ATP9A: variants seen among roughly 807,000 people sequenced by gnomAD.
ATP9A encodes ATPase phospholipid transporting 9A.
ATP9A carries 52 observed loss-of-function variants against 144.1 expected under a neutral mutation model. That is an observed-to-expected ratio of 0.36 (90% CI 0.29 to 0.45). The LOEUF (loss-of-function observed/expected upper bound fraction) is 0.45, where lower values mean the gene tolerates loss of function less well. Among genes scored for constraint, ATP9A ranks in the 20% least tolerant of loss-of-function variants. ATP9A has a pLI of 1.00. For synonymous variants in ATP9A, 582 were observed against 557.4 expected, an observed-to-expected ratio of 1.04 and a Z score of -0.62; for missense variants, 947 against 1,392.7, an observed-to-expected ratio of 0.68 and a Z score of 5.09.
chr20:51,757,437 C>G (rs1325590686), intron 1 of ATP9A, among the ~76,000 whole-genome samples: 1 of 152,128 alleles, frequency 6.6e-6, no homozygotes, highest in Non-Finnish European at 1.5e-5. Flanking sequence ...TGGGGACCGC[C>G]GCCAACAGGC....
At chr20:51,719,758 A>G (rs529485797) in intron 3 of ATP9A, among the ~76,000 whole-genome samples, 9 of 148,254 alleles carry the variant, frequency 6.1e-5, no homozygotes, top group Non-Finnish European at 1.2e-4. Context: ...GGGGGGAAGA[A>G]GAAACGGGCT....
intron 14 of ATP9A, among the ~76,000 whole-genome samples, chr20:51,640,374 G>A (rs2077313788): frequency 6.6e-6 from 1 of 152,160 alleles, no homozygotes; most frequent in Non-Finnish European, 1.5e-5. Context: ...GTATCCAGTG[G>A]GCAGAGGCCA....
intron 15 of ATP9A, among the ~76,000 whole-genome samples, chr20:51,630,921 T>G (rs2077267347): frequency 6.6e-6 from 1 of 152,158 alleles, no homozygotes; most frequent in South Asian, 2.1e-4. Flanking sequence ...GCGGACCCTT[T>G]CCCTGTGGTA....
At chr20:51,624,559 G>A (rs955497136) in intron 18 of ATP9A, among the ~76,000 whole-genome samples, 1 of 152,128 alleles carries the variant, frequency 6.6e-6, no homozygotes, top group Middle Eastern at 3.2e-3. Context: ...TTGGCCACAC[G>A]GCAGACAGAC....
At chr20:51,766,789 G>A (rs909368903) in intron 1 of ATP9A, among the ~76,000 whole-genome samples, 2 of 152,034 alleles carry the variant, frequency 1.3e-5, no homozygotes, top group Admixed American at 6.6e-5. Flanking sequence ...GCAGTGAGCC[G>A]AGATCTCGCC....
intron 27 of ATP9A, among the ~76,000 whole-genome samples, chr20:51,603,210 G>A (rs1039140939): frequency 4.6e-4 from 70 of 152,156 alleles, no homozygotes; most frequent in African/African-American, 1.7e-3. Context: ...AGGGTTTTTT[G>A]TTTGAATAAC....
At chr20:51,759,681 A>G (rs760701225) in intron 1 of ATP9A, among the ~76,000 whole-genome samples, 26 of 152,102 alleles carry the variant, frequency 1.7e-4, no homozygotes, top group Non-Finnish European at 2.9e-4. Flanking sequence ...CACAAAAATA[A>G]TAATAATAAT....
chr20:51,741,657 C>T (rs1418532333), intron 1 of ATP9A, among the ~76,000 whole-genome samples: 3 of 152,328 alleles, frequency 2.0e-5, no homozygotes, highest in Non-Finnish European at 2.9e-5. Context: ...TCCCAAACTT[C>T]AGCCATTTTC....
intron 9 of ATP9A, among the ~76,000 whole-genome samples, chr20:51,678,029 T>C (rs967303369): frequency 6.0e-4 from 89 of 149,336 alleles, no homozygotes; most frequent in Non-Finnish European, 7.4e-4. Context: ...GCAGGAAAGA[T>C]AGACAGTAAA....
At chr20:51,719,209 G>C (rs1019841501) in intron 3 of ATP9A, among the ~76,000 whole-genome samples, 1 of 151,944 alleles carries the variant, frequency 6.6e-6, no homozygotes, top group Non-Finnish European at 1.5e-5. Context: ...AGGGCCTCCT[G>C]AGCCCAGAAG....
In ATP9A at chr20:51,696,115, G is replaced by A. The variant is rs1568825042; in HGVS notation, c.525C>T (p.Phe175=). 3 of 1,613,928 alleles carry A rather than the reference G, an allele frequency of 1.9e-6. No homozygotes were observed. Among genetic ancestry groups the A allele is most frequent in the Non-Finnish European group, 2.5e-6 (3 of 1,179,828 alleles). ...TACCGTTTTTTTCTGATGTCCTCAG[G>A]AAGATCATGTCGGCAGGGACCCGCT... ...KNQRVPADMI[F]LRTSEKNGSC... is the part of the protein sequence containing the mutation. Residue 175 remains phenylalanine (F), a synonymous_variant, in exon 6 of 28, where the codon TTC becomes TTT. Coordinates refer to ENST00000338821, the MANE Select transcript of ATP9A (RefSeq NM_006045.3).
At chr20:51,722,543 G>A (rs2077694212) in intron 3 of ATP9A, among the ~76,000 whole-genome samples, 1 of 152,088 alleles carries the variant, frequency 6.6e-6, no homozygotes, top group Non-Finnish European at 1.5e-5. Context: ...GACTTGAATA[G>A]ACAATTTTCA....
At chr20:51,750,533 C>G (rs1039432344) in intron 1 of ATP9A, among the ~76,000 whole-genome samples, 1 of 152,186 alleles carries the variant, frequency 6.6e-6, no homozygotes, top group Non-Finnish European at 1.5e-5. Context: ...TTCCTAGACA[C>G]CAAAACAATA....
chr20:51,610,379 T>G (rs1568783784), intron 23 of ATP9A, among the ~76,000 whole-genome samples: 1 of 152,164 alleles, frequency 6.6e-6, no homozygotes, highest in Non-Finnish European at 1.5e-5. Context: ...AAGCAGAAAG[T>G]GAGGCATAGA....
intron 14 of ATP9A, among the ~76,000 whole-genome samples, chr20:51,656,538 G>A (rs1251867499): frequency 4.6e-5 from 7 of 152,134 alleles, no homozygotes; most frequent in African/African-American, 1.4e-4. Flanking sequence ...GGGCAAAAGA[G>A]TGAGACTGTA....
chr20:51,695,874 G>A (rs1230333519), intron 6 of ATP9A, among the ~76,000 whole-genome samples: 3 of 152,126 alleles, frequency 2.0e-5, no homozygotes, highest in Non-Finnish European at 2.9e-5. Flanking sequence ...TGAGTCAGCC[G>A]GTGTTCCACA....
chr20:51,726,871 G>A lies in ATP9A; in HGVS notation c.214-939C>T, dbSNP rs562494594. 2.8e-3 allele frequency among the ~76,000 whole-genome samples: 405 copies of A among 144,282 alleles called. 3 individuals are homozygous for A. The highest frequency in any genetic ancestry group is 7.7e-3 in the Middle Eastern group (2 of 260). 94.7% of individuals were successfully genotyped at this position (144,282 alleles called of 152,430 possible). A position where few individuals can be genotyped will look rare whatever the true frequency, so the allele number is the denominator to read the frequency against. On this transcript the variant is annotated intron_variant, in intron 2 of 27. Coordinates refer to ENST00000338821, the MANE Select transcript of ATP9A (RefSeq NM_006045.3). ...TGGGATTACAGACCTAAGCCACTGCGTCCAGACTGTGTTATTTCTTTTTTT... is the reference window on the plus strand; with the variant it reads ...TGGGATTACAGACCTAAGCCACTGCATCCAGACTGTGTTATTTCTTTTTTT...
chr20:51,597,185 T>C lies in ATP9A; in HGVS notation c.*4026A>G, dbSNP rs527416886. The stretch of plus-strand genomic sequence containing the variant: ...ACAGACTGCGCCTCAAACCATGCTG[T>C]GGCGGAGAAGACAGATTCACGGGTA... On this transcript the variant is annotated 3_prime_UTR_variant, in exon 28 of 28. Coordinates refer to ENST00000338821, the MANE Select transcript of ATP9A (RefSeq NM_006045.3). The C allele has an allele frequency of 1.3e-5, 2 of 152,312 alleles. No individual in the cohort carries two copies. The highest frequency in any genetic ancestry group is 6.5e-5 in the Admixed American group (1 of 15,298). The allele number at this position is 152,312 out of a possible 1,614,324, so 9.4% of individuals were successfully genotyped here.
At chr20:51,745,846 T>C (rs1482460061) in intron 1 of ATP9A, among the ~76,000 whole-genome samples, 1 of 152,126 alleles carries the variant, frequency 6.6e-6, no homozygotes, top group Non-Finnish European at 1.5e-5. Flanking sequence ...CCCAAAGGAA[T>C]ATACATCATT....
Sources: gnomAD v4.1 joint callset for allele counts (sites outside exome capture counted in the v4.1 genomes callset) on GRCh38, gnomAD v4.1.1 for gene constraint, MANE v1.5 for transcripts, NCBI Gene and HGNC (gene_info 2026-07-23, HGNC 2026-07-21) for gene names.